PAWR: variants seen among roughly 807,000 people sequenced by gnomAD.
PAWR encodes the protein pro-apoptotic WT1 regulator.
A neutral mutation model predicts 32.0 loss-of-function variants in PAWR; 23 were observed. The ratio of observed to expected loss-of-function variants is 0.72; its 90% confidence interval spans 0.52 to 1.02. The LOEUF is 1.02. PAWR is among the 50% of genes least tolerant of loss of function. The probability of loss-of-function intolerance (pLI) is 0.00; values close to 1 mark genes in which losing one functional copy is unlikely to be tolerated. For missense variants in PAWR, 457 were observed against 437.7 expected (o/e 1.04, Z -0.39); for synonymous variants, 226 against 187.1 (o/e 1.21, Z -1.70).
intron 2 of PAWR, among the ~76,000 whole-genome samples, chr12:79,645,844 G>T (rs1168044512): frequency 6.6e-6 from 1 of 152,186 alleles, no homozygotes; most frequent in South Asian, 2.1e-4. Context: ...ACGGTGATTT[G>T]ATTATAGCAA....
At chr12:79,668,767 C>T (rs1283994450) in intron 2 of PAWR, among the ~76,000 whole-genome samples, 1 of 152,170 alleles carries the variant, frequency 6.6e-6, no homozygotes, top group East Asian at 1.9e-4. Flanking sequence ...TTGCCCACTG[C>T]TCACCTCCTG....
At chr12:79,661,248 CAAAAAAAAAAAA>C (rs397967995) in intron 2 of PAWR, among the ~76,000 whole-genome samples, 1 of 71,462 alleles carries the variant, frequency 1.4e-5, no homozygotes, top group African/African-American at 3.8e-5. Flanking sequence ...GACTCTGTCT[CAAAAAAAAAAAA>C]AAAAAAAAGA....
intron 4 of PAWR, chr12:79,604,352 G>A: frequency 3.5e-5 from 35 of 1,004,640 alleles, no homozygotes; most frequent in Non-Finnish European, 4.2e-5. Flanking sequence ...TCCCCCTCTG[G>A]GAATTTTCGC....
chr12:79,611,261 T>TATATATA (rs1035650436), intron 4 of PAWR, among the ~76,000 whole-genome samples: 1 of 146,746 alleles, frequency 6.8e-6, no homozygotes, highest in Non-Finnish European at 1.5e-5. Context: ...TATATATATT[T>TATATATA]ATATATAATA....
intron 2 of PAWR, among the ~76,000 whole-genome samples, chr12:79,641,440 A>T (rs1334554531): frequency 3.9e-5 from 6 of 152,228 alleles, no homozygotes; most frequent in Non-Finnish European, 8.8e-5. Context: ...TATTCTCTTA[A>T]CTATGAGACC....
chr12:79,679,848 A>G (rs1187136047), intron 2 of PAWR, among the ~76,000 whole-genome samples: 2 of 152,184 alleles, frequency 1.3e-5, no homozygotes, highest in Non-Finnish European at 2.9e-5. Context: ...CCAATGAAAT[A>G]TCTCTGAAAT....
intron 4 of PAWR, among the ~76,000 whole-genome samples, chr12:79,606,588 C>T (rs1369097057): frequency 1.3e-5 from 2 of 152,006 alleles, no homozygotes; most frequent in African/African-American, 2.4e-5. Context: ...AGCCATATAT[C>T]TAGAAGTTAC....
chr12:79,609,167 A>G (rs1874327262), intron 4 of PAWR, among the ~76,000 whole-genome samples: 1 of 152,182 alleles, frequency 6.6e-6, no homozygotes, highest in African/African-American at 2.4e-5. Flanking sequence ...ACAGTAGCCT[A>G]ATATAAAGTG....
At chr12:79,595,812 A>AT (rs1362171379) in intron 5 of PAWR, among the ~76,000 whole-genome samples, 1 of 152,184 alleles carries the variant, frequency 6.6e-6, no homozygotes, top group Non-Finnish European at 1.5e-5. Context: ...ATACTGAGCC[A>AT]TTGTACTCCA....
chr12:79,622,539 C>T (rs937501404), intron 2 of PAWR, among the ~76,000 whole-genome samples: 4 of 152,012 alleles, frequency 2.6e-5, no homozygotes, highest in African/African-American at 9.7e-5. Flanking sequence ...TTCCCACCTA[C>T]GAGTGAGAAT....
chr12:79,600,648 C>CTT (rs1025749975), intron 4 of PAWR, among the ~76,000 whole-genome samples: 1,037 of 102,350 alleles, frequency 0.01, 72 homozygotes, highest in African/African-American at 0.035. Flanking sequence ...CCATACCTGG[C>CTT]TTTTTTTTTT....
intron 3 of PAWR, among the ~76,000 whole-genome samples, chr12:79,617,437 G>C (rs1178952810): frequency 6.6e-6 from 1 of 152,112 alleles, no homozygotes; most frequent in African/African-American, 2.4e-5. Context: ...GACTGGGAGG[G>C]GTGGGAGTCT....
In PAWR at chr12:79,590,245, G is replaced by A. The variant is rs1399039549; in HGVS notation, c.*2362C>T. 6.7e-6 allele frequency: 1 copy of A among 150,270 alleles called. No homozygotes were observed. The highest frequency in any genetic ancestry group is 2.1e-4 in the South Asian group (1 of 4,750). 9.3% of individuals were successfully genotyped at this position (150,270 alleles called of 1,614,324 possible). ...ACAGAGTTTCGCTCTTCTTGCCCAGGCTGGAGTACAATGGCGCAATCTCAG... is the reference window on the plus strand; with the variant it reads ...ACAGAGTTTCGCTCTTCTTGCCCAGACTGGAGTACAATGGCGCAATCTCAG... On this transcript the variant is annotated 3_prime_UTR_variant, in exon 7 of 7. Coordinates refer to ENST00000328827, the MANE Select transcript of PAWR (RefSeq NM_002583.4).
rs545122839 is a variant in PAWR, at chr12:79,620,636, T to C, written c.648+440A>G. 6.1e-4 allele frequency among the ~76,000 whole-genome samples: 93 copies of C among 152,228 alleles called. 1 individual carries two copies. Among genetic ancestry groups the C allele is most frequent in the Non-Finnish European group, 4.9e-4 (33 of 67,998 alleles). ...AGGAGGGTGGCTCAGAAAAGGGTGA[T>C]AGAGCTCTAGCAGGGTAAAAAATGT... On this transcript the variant is annotated intron_variant, in intron 3 of 6. Transcript: ENST00000328827.
chr12:79,681,145 TGGGGA>T (rs370518706), intron 2 of PAWR, among the ~76,000 whole-genome samples: 483 of 5,554 alleles, frequency 0.087, 5 homozygotes, highest in African/African-American at 0.22. Flanking sequence ...AGGGGAGGGG[TGGGGA>T]GGGGAGGGGA....
At chr12:79,687,765 T>C (rs1878753107) in intron 2 of PAWR, among the ~76,000 whole-genome samples, 1 of 152,180 alleles carries the variant, frequency 6.6e-6, no homozygotes, top group African/African-American at 2.4e-5. Context: ...TTTAAAGTTT[T>C]GCATCATATA....
chr12:79,625,978 C>T (rs1449794528), intron 2 of PAWR, among the ~76,000 whole-genome samples: 1 of 150,682 alleles, frequency 6.6e-6, no homozygotes, highest in Non-Finnish European at 1.5e-5. Context: ...TCCTGGCTAA[C>T]ACAGTGAAAC....
At chr12:79,605,069 T>C (rs1372115275) in intron 4 of PAWR, among the ~76,000 whole-genome samples, 1 of 151,488 alleles carries the variant, frequency 6.6e-6, no homozygotes, top group Non-Finnish European at 1.5e-5. Context: ...TATATACTTT[T>C]TGTATCATAC....
At chr12:79,690,485 C>G in intron 1 of PAWR, 94 bp from the exon 2 acceptor site, 2 of 687,444 alleles carry the variant, frequency 2.9e-6, no homozygotes, top group East Asian at 3.8e-5. Flanking sequence ...TTGGAGTCCT[C>G]GAGCGCGCCC....
Sources: gnomAD v4.1 joint callset for allele counts (sites outside exome capture counted in the v4.1 genomes callset) on GRCh38, gnomAD v4.1.1 for gene constraint, MANE v1.5 for transcripts, NCBI Gene and HGNC (gene_info 2026-07-23, HGNC 2026-07-21) for gene names.